The following AGBL1 variants were observed in gnomAD, a reference collection of about 807,000 sequenced individuals.
The protein encoded by AGBL1 is cytosolic carboxypeptidase 4.
AGBL1 carries 130 observed loss-of-function variants against 118.9 expected under a neutral mutation model. The observed-to-expected ratio is 1.09, with a 90% CI of 0.95 to 1.26. The LOEUF is 1.26. Ranked by LOEUF, AGBL1 falls within the 50% of genes most tolerant of loss-of-function variation. The pLI is 0.00. For synonymous variants in AGBL1, 555 were observed against 478.9 expected (o/e 1.16, Z -2.08); for missense variants, 1,584 against 1,298.1 (o/e 1.22, Z -3.38).
chr15:86,140,068 G>A (rs1279536546), intron 1 of AGBL1: 3 of 190,416 alleles, frequency 1.6e-5, no homozygotes, highest in Non-Finnish European at 3.4e-5. Flanking sequence ...TGGTGGTCAG[G>A]TCTTGGTATT....
At chr15:87,030,864 G>A (rs1383506637), downstream of AGBL1, among the ~76,000 whole-genome samples, 3 of 151,820 alleles carry the variant, frequency 2.0e-5, no homozygotes, top group Non-Finnish European at 4.4e-5. Context: ...CCAAGCCACA[G>A]CCTCTCACCC....
At chr15:86,305,695 C>A (rs1221111650) in intron 17 of AGBL1, among the ~76,000 whole-genome samples, 1 of 152,162 alleles carries the variant, frequency 6.6e-6, no homozygotes, top group Non-Finnish European at 1.5e-5. Context: ...TTAAATTTAT[C>A]CTTTAATACA....
chr15:86,695,159 A>G (rs1019230964), intron 22 of AGBL1, among the ~76,000 whole-genome samples: 7 of 151,952 alleles, frequency 4.6e-5, no homozygotes, highest in African/African-American at 1.7e-4. Flanking sequence ...AATAGTGTCA[A>G]TAGGATTGGT....
At chr15:86,723,398 C>T (rs926693838) in intron 22 of AGBL1, among the ~76,000 whole-genome samples, 17 of 152,204 alleles carry the variant, frequency 1.1e-4, no homozygotes, top group East Asian at 3.9e-4. Flanking sequence ...AGCAAACTGT[C>T]GCAAGGACAA....
chr15:86,978,117 C>T (rs1485086159), intron 23 of AGBL1, among the ~76,000 whole-genome samples: 7 of 152,100 alleles, frequency 4.6e-5, no homozygotes, highest in Non-Finnish European at 1.5e-5. Flanking sequence ...ATTCCATCAG[C>T]CAAATTCACA....
At chr15:86,931,825 T>G (rs1006928804) in intron 23 of AGBL1, among the ~76,000 whole-genome samples, 1 of 152,154 alleles carries the variant, frequency 6.6e-6, no homozygotes, top group Non-Finnish European at 1.5e-5. Context: ...TGCCTAAATA[T>G]ATAAGCAAAA....
intron 3 of AGBL1, among the ~76,000 whole-genome samples, chr15:86,148,301 C>T (rs2077058628): frequency 6.6e-6 from 1 of 152,134 alleles, no homozygotes; most frequent in African/African-American, 2.4e-5. Flanking sequence ...CAGAAATGGG[C>T]TTCAAAAGGT....
At chr15:86,670,781 C>T (rs2085734430) in intron 21 of AGBL1, among the ~76,000 whole-genome samples, 1 of 151,626 alleles carries the variant, frequency 6.6e-6, no homozygotes, top group African/African-American at 2.4e-5. Context: ...CCCACATTTC[C>T]TTATTTTTTT....
chr15:86,318,962 C>T (rs1297837395), intron 17 of AGBL1, among the ~76,000 whole-genome samples: 2 of 151,938 alleles, frequency 1.3e-5, no homozygotes, highest in Non-Finnish European at 2.9e-5. Flanking sequence ...TCAGTTTTCC[C>T]CGTACAGTCT....
intron 17 of AGBL1, among the ~76,000 whole-genome samples, chr15:86,326,783 C>A (rs2080190973): frequency 6.6e-6 from 1 of 152,228 alleles, no homozygotes; most frequent in African/African-American, 2.4e-5. Flanking sequence ...TAGAAAAGAT[C>A]AGAAGTGCAG....
At chr15:86,236,163 G>A (rs1372678753) in intron 6 of AGBL1, among the ~76,000 whole-genome samples, 3 of 152,124 alleles carry the variant, frequency 2.0e-5, no homozygotes, top group Non-Finnish European at 4.4e-5. Context: ...ATAAACAGAT[G>A]ACAGTGTAGC....
chr15:86,365,978 T>C (rs1383204108), intron 17 of AGBL1, among the ~76,000 whole-genome samples: 1 of 152,206 alleles, frequency 6.6e-6, no homozygotes, highest in African/African-American at 2.4e-5. Context: ...CCTGAGAAAC[T>C]TGAATCAAAG....
intron 18 of AGBL1, among the ~76,000 whole-genome samples, chr15:86,495,601 G>A (rs963353548): frequency 4.0e-5 from 6 of 151,720 alleles, no homozygotes; most frequent in Non-Finnish European, 5.9e-5. Flanking sequence ...TTGTTGGAAC[G>A]CTGTTCTTAT....
chr15:86,591,802 C>G (rs1276483186), intron 21 of AGBL1, among the ~76,000 whole-genome samples: 2 of 152,110 alleles, frequency 1.3e-5, no homozygotes, highest in African/African-American at 2.4e-5. Context: ...CCTTTAGCCC[C>G]TCTCCTCTCC....
chr15:86,167,214 TA>T (rs2077353657), intron 5 of AGBL1, among the ~76,000 whole-genome samples: 1 of 151,936 alleles, frequency 6.6e-6, no homozygotes, highest in Non-Finnish European at 1.5e-5. Flanking sequence ...TTTCACCTTT[TA>T]CTTTGAGGGA....
At chr15:86,234,699 A>G (rs2078511460) in intron 6 of AGBL1, among the ~76,000 whole-genome samples, 1 of 152,124 alleles carries the variant, frequency 6.6e-6, no homozygotes, top group African/African-American at 2.4e-5. Context: ...CACTTCCCTC[A>G]TCTGTAAAGC....
rs1259257378 is a variant in AGBL1, at chr15:86,276,618, G to A, written c.2076-3021G>A. 2.0e-5 allele frequency among the ~76,000 whole-genome samples: 3 copies of A among 152,206 alleles called. No homozygotes were observed. The East Asian group carries it at 5.8e-4, about 29-fold the overall frequency. ...GTCCTTGCCATAAAGTATTGGCCATGAGAATAGGAGTGATAAGGGGGCTAT... is the reference window on the plus strand; with the variant it reads ...GTCCTTGCCATAAAGTATTGGCCATAAGAATAGGAGTGATAAGGGGGCTAT... On this transcript the variant is annotated intron_variant, in intron 15 of 22. Coordinates refer to ENST00000614907, the MANE Select transcript of AGBL1 (RefSeq NM_001386094.1).
chr15:86,799,593 GTAA>G, intron 22 of AGBL1, among the ~76,000 whole-genome samples: 1 of 152,200 alleles, frequency 6.6e-6, no homozygotes, highest in East Asian at 1.9e-4. Context: ...ACGGAATTAT[GTAA>G]AATCTAGAAT....
At chr15:86,462,891 T>C (rs1327993200) in intron 18 of AGBL1, among the ~76,000 whole-genome samples, 1 of 152,236 alleles carries the variant, frequency 6.6e-6, no homozygotes, top group Non-Finnish European at 1.5e-5. Flanking sequence ...TGAATAGTGC[T>C]GCAATAAACA....
Sources: allele counts gnomAD v4.1 joint callset (sites outside exome capture counted in the v4.1 genomes callset), GRCh38; gene constraint gnomAD v4.1.1; transcripts MANE v1.5; gene names NCBI Gene and HGNC (gene_info 2026-07-23, HGNC 2026-07-21).